The following PTPRN2 variants were observed in gnomAD, a reference collection of about 807,000 sequenced individuals.
The protein encoded by PTPRN2 is receptor-type tyrosine-protein phosphatase N2.
Under a neutral mutation model 118.8 loss-of-function variants are expected in PTPRN2, and 74 were observed. That is an observed-to-expected ratio of 0.62 (90% CI 0.52 to 0.76). The LOEUF (loss-of-function observed/expected upper bound fraction) is 0.76, where lower values mean the gene tolerates loss of function less well. Among genes scored for constraint, PTPRN2 ranks in the 30% least tolerant of loss-of-function variants. PTPRN2 has a pLI of 0.00. For missense variants in PTPRN2, 1,481 were observed against 1,394.4 expected, an observed-to-expected ratio of 1.06 and a Z score of -0.99; for synonymous variants, 641 against 608.0, an observed-to-expected ratio of 1.05 and a Z score of -0.80.
At chr7:158,104,196 T>C (rs1815477661) in intron 10 of PTPRN2, among the ~76,000 whole-genome samples, 1 of 152,174 alleles carries the variant, frequency 6.6e-6, no homozygotes, top group Non-Finnish European at 1.5e-5. Context: ...CATCAGGGCA[T>C]CCTGCCTGAG....
rs73745023 is a variant in PTPRN2 at position 157,907,378 on chromosome 7, G to A, written c.1724-8641C>T. ...CTGTCCCCTGCGTGTGGGGTGTCCC[G>A]GGTGGCAGTATCTCCCTGTCCCCTG... is the stretch of plus-strand genomic sequence containing the variant. On this transcript the variant is annotated intron_variant, in intron 11 of 22. Coordinates refer to ENST00000389418, the MANE Select transcript of PTPRN2 (RefSeq NM_002847.5). 5.7e-3 allele frequency among the ~76,000 whole-genome samples: 868 copies of A among 151,118 alleles called. 7 individuals carry two copies. The highest frequency in any genetic ancestry group is 0.018 in the African/African-American group (760 of 41,132).
intron 3 of PTPRN2, among the ~76,000 whole-genome samples, chr7:158,269,929 G>A (rs935082818): frequency 6.6e-6 from 1 of 152,030 alleles, no homozygotes; most frequent in African/African-American, 2.4e-5. Flanking sequence ...CAGAGAGACA[G>A]AGATAGAGAG....
chr7:158,258,044 T>A (rs1003239888), intron 3 of PTPRN2, among the ~76,000 whole-genome samples: 1 of 152,228 alleles, frequency 6.6e-6, no homozygotes, highest in Admixed American at 6.5e-5. Context: ...GCAGCCTGAA[T>A]CCTACTCTGC....
rs140656188 is a variant in PTPRN2 at position 157,881,399 on chromosome 7, C to T, written c.1788+17274G>A. Among the ~76,000 whole-genome samples the T allele has an allele frequency of 1.6e-4, 25 of 152,236 alleles. No individual in the cohort carries two copies. The highest frequency in any genetic ancestry group is 3.9e-4 in the East Asian group (2 of 5,170). On this transcript the variant is annotated intron_variant, in intron 12 of 22. Transcript: ENST00000389418. This position sits in a 1 kb window ranked among gnomAD's most constrained non-coding sequence, Gnocchi z 4.7. ...GGGTGAGGACTTGAGGATGCAGAGA[C>T]GGCATCTGAAGCCCAGGAGAGAGGC...
chr7:158,205,111 G>T, intron 4 of PTPRN2, 60 bp downstream of exon 4: 1 of 1,312,928 alleles, frequency 7.6e-7, no homozygotes, highest in Non-Finnish European at 1.1e-6. Flanking sequence ...CAAATAATAA[G>T]TGTAATGGCT....
intron 2 of PTPRN2, among the ~76,000 whole-genome samples, chr7:158,329,026 C>T (rs1268151850): frequency 6.6e-6 from 1 of 151,914 alleles, no homozygotes; most frequent in Non-Finnish European, 1.5e-5. Flanking sequence ...CTGCAAGTCA[C>T]TATGAGTGGG....
intron 1 of PTPRN2, among the ~76,000 whole-genome samples, chr7:158,575,843 C>G (rs1828292129): frequency 6.6e-6 from 1 of 151,336 alleles, no homozygotes; most frequent in Non-Finnish European, 1.5e-5. Flanking sequence ...TAGTTATAAC[C>G]AATAATAATT....
rs1797611660 is a variant in PTPRN2, at chr7:157,903,931, C to T, written c.1724-5194G>A. Among the ~76,000 whole-genome samples the T allele has an allele frequency of 6.6e-6, 1 of 152,174 alleles. No individual in the cohort carries two copies. Among genetic ancestry groups the T allele is most frequent in the South Asian group, 2.1e-4 (1 of 4,834 alleles). ...CTCTGAGCCAGCATGGCCCAGGTCT[C>T]AGCACACAGCAAGCGACTAATCCAT... On this transcript the variant is annotated intron_variant, in intron 11 of 22. Coordinates refer to ENST00000389418, the MANE Select transcript of PTPRN2 (RefSeq NM_002847.5). This position sits in a 1 kb window ranked among gnomAD's most constrained non-coding sequence, Gnocchi z 4.2.
intron 12 of PTPRN2, chr7:157,862,690 TA>T (rs1179932274): frequency 1.3e-5 from 2 of 152,270 alleles, no homozygotes; most frequent in Admixed American, 1.3e-4. Context: ...CCCTGAGATT[TA>T]AAAACGCTTA....
Position 158,192,986 on chromosome 7 carries a change from T to A in PTPRN2, c.381-491A>T, listed in dbSNP as rs182640845. Among the ~76,000 whole-genome samples the A allele has an allele frequency of 2.8e-3, 434 of 152,292 alleles. 2 individuals carry two copies. Among genetic ancestry groups the A allele is most frequent in the African/African-American group, 0.01 (423 of 41,576 alleles). ...CAGGTTCTCGCCTGATAAATGTGCA[T>A]TGTTTTAGGCCTTAGGTTGATGTAC... On this transcript the variant is annotated intron_variant, in intron 4 of 22. Transcript: ENST00000389418.
chr7:157,595,281 G>T lies in PTPRN2; in HGVS notation c.2453C>A (p.Ala818Asp). The T allele has an allele frequency of 3.1e-6, 5 of 1,614,238 alleles. No individual in the cohort carries two copies. The highest frequency in any genetic ancestry group is 4.2e-6 in the Non-Finnish European group (5 of 1,180,048). ...GGTGGCGGGCAGCGGTCCCTGGGTG[G>T]CGATGTACGCGGGGTTCCTCGGGTC... ...DHDPRNPAYIATQGPLPATVA... is the reference protein window; with the variant it reads ...DHDPRNPAYIDTQGPLPATVA... The change falls in exon 17 of 23, where the codon GCC becomes GAC. Residue 818 changes from alanine to aspartate, a missense_variant. Ala to Asp is a moderately radical substitution (Grantham distance 126, BLOSUM62 -2). This residue lies in a region of PTPRN2 where 362 missense variants were observed against 384.1 expected (regional missense o/e 0.94). Coordinates refer to ENST00000389418, the MANE Select transcript of PTPRN2 (RefSeq NM_002847.5).
At chr7:158,344,977 C>T (rs1807391051) in intron 2 of PTPRN2, among the ~76,000 whole-genome samples, 1 of 152,164 alleles carries the variant, frequency 6.6e-6, no homozygotes, top group African/African-American at 2.4e-5. Context: ...ACAGCTTGGA[C>T]CCAAGGCCTC....
At chr7:157,969,287 C>T (rs1379445224) in intron 11 of PTPRN2, among the ~76,000 whole-genome samples, 2 of 152,108 alleles carry the variant, frequency 1.3e-5, no homozygotes, top group Non-Finnish European at 2.9e-5. Context: ...TTTCTGTATT[C>T]TTTGTAGAGA....
chr7:158,192,283 A>T, intron 5 of PTPRN2, 44 bp downstream of exon 5: 1 of 1,432,950 alleles, frequency 7.0e-7, no homozygotes, highest in Non-Finnish European at 9.1e-7. Context: ...CTGCACCCTG[A>T]AGGAAAAGCC....
chr7:157,669,523 G>A (rs768416985), intron 13 of PTPRN2: 5 of 488,890 alleles, frequency 1.0e-5, no homozygotes, highest in East Asian at 1.2e-4. Flanking sequence ...GACACACGAC[G>A]ACACCCAGTC....
In PTPRN2 at chr7:157,560,913, C is replaced by G. The variant is rs1315213232; in HGVS notation, c.2902+7989G>C. Reference sequence around the variant, plus strand: ...CAATTCTGCCCAGCCCTCGCGTCCCCCTAAGTCTCATCTGCAGAAGGCTGA... The same window carrying G: ...CAATTCTGCCCAGCCCTCGCGTCCCGCTAAGTCTCATCTGCAGAAGGCTGA... On this transcript the variant is annotated intron_variant, in intron 21 of 22. Transcript: ENST00000389418. The surrounding 1 kb of genome is among the most constrained non-coding windows in gnomAD (Gnocchi z 6.7). Among the ~76,000 whole-genome samples, 1 of 152,182 alleles carries G rather than the reference C, an allele frequency of 6.6e-6. No individual in the cohort carries two copies. The highest frequency in any genetic ancestry group is 1.5e-5 in the Non-Finnish European group (1 of 68,020).
At chr7:157,542,977 C>T (rs1798086546) in intron 22 of PTPRN2, among the ~76,000 whole-genome samples, 1 of 152,172 alleles carries the variant, frequency 6.6e-6, no homozygotes, top group Non-Finnish European at 1.5e-5. Flanking sequence ...AGCACCCAAG[C>T]CCTGTGGGTC....
At chr7:158,149,834 G>T (rs372685426) in intron 6 of PTPRN2, among the ~76,000 whole-genome samples, 1 of 150,862 alleles carries the variant, frequency 6.6e-6, no homozygotes, top group Admixed American at 6.6e-5. Context: ...CCCAAGTGAT[G>T]TCTCTTGAAA....
Position 158,122,939 on chromosome 7 carries a change from T to C in PTPRN2, c.1556+10738A>G, listed in dbSNP as rs76851834. On this transcript the variant is annotated intron_variant, in intron 9 of 22. Transcript: ENST00000389418. ...TACTGCCTCTTCCTTGTGGGCCAGA[T>C]GAAATCAAGCCAAGAACAGGACCCG... Among the ~76,000 whole-genome samples, 776 of 151,822 alleles carry C rather than the reference T, an allele frequency of 5.1e-3. 26 individuals are homozygous for C. The East Asian group carries it at 0.099, about 19-fold the overall frequency.
Sources: allele counts gnomAD v4.1 joint callset (sites outside exome capture counted in the v4.1 genomes callset), GRCh38; gene constraint gnomAD v4.1.1; regional missense constraint gnomAD v4.1.1; non-coding constraint Gnocchi (gnomAD v3.1); transcripts MANE v1.5; gene names NCBI Gene and HGNC (gene_info 2026-07-23, HGNC 2026-07-21).